The following ARID1A variants were observed in gnomAD, a reference collection of about 807,000 sequenced individuals.
The protein encoded by ARID1A is AT-rich interaction domain 1A.
Under a neutral mutation model 212.6 loss-of-function variants are expected in ARID1A, and 20 were observed. The ratio of observed to expected loss-of-function variants is 0.09; its 90% CI spans 0.07 to 0.14. The LOEUF (loss-of-function observed/expected upper bound fraction) is 0.14, where lower values mean the gene tolerates loss of function less well. ARID1A is among the 10% of genes least tolerant of loss of function. ARID1A has a pLI of 1.00. For synonymous variants in ARID1A, 1,376 were observed against 1,222.1 expected (o/e 1.13, Z -2.63); for missense variants, 2,587 against 3,059.0 (o/e 0.85, Z 3.64).
chr1:26,775,290 T>C (rs2124124849), intron 18 of ARID1A, 70 bp downstream of exon 18: 5 of 1,505,820 alleles, frequency 3.3e-6, no homozygotes, highest in Non-Finnish European at 4.4e-6. Context: ...CCCTCCACCT[T>C]ACTATTCTGG....
chr1:26,749,693 C>T (rs2080868067), intron 4 of ARID1A, among the ~76,000 whole-genome samples: 1 of 152,226 alleles, frequency 6.6e-6, no homozygotes, highest in Non-Finnish European at 1.5e-5. Flanking sequence ...ATTGAAATTT[C>T]TCCAGTGACA....
intron 1 of ARID1A, among the ~76,000 whole-genome samples, 164 bp downstream of exon 1, chr1:26,697,704 C>T (rs956183733): frequency 2.6e-5 from 4 of 152,074 alleles, no homozygotes; most frequent in South Asian, 2.1e-4. Flanking sequence ...TGCCTGTCTG[C>T]CTTCCTCTCC....
In ARID1A at chr1:26,696,686, G is replaced by A. The variant is rs2124741135; in HGVS notation, c.283G>A (p.Gly95Ser). ...CGGAGCCGGCAGCGGCGGCGGGCCCGGCGCGGAGCCGGACCTGAAGAACTC... is the reference window on the plus strand; with the variant it reads ...CGGAGCCGGCAGCGGCGGCGGGCCCAGCGCGGAGCCGGACCTGAAGAACTC... ...GGGAGSGGGP[G>S]AEPDLKNSNG... Residue 95 changes from glycine to serine, a missense_variant, in exon 1 of 20, where the codon GGC (glycine) becomes AGC (serine). Gly to Ser is a moderately conservative substitution (Grantham distance 56). Transcript: ENST00000324856. The A allele has an allele frequency of 7.6e-7, 1 of 1,321,878 alleles. No homozygotes were observed. The highest frequency in any genetic ancestry group is 2.1e-5 in the South Asian group (1 of 47,412). 81.9% of individuals were successfully genotyped at this position (1,321,878 alleles called of 1,614,324 possible).
At chr1:26,721,406 T>C (rs1570566796) in intron 1 of ARID1A, among the ~76,000 whole-genome samples, 1 of 152,258 alleles carries the variant, frequency 6.6e-6, no homozygotes, top group African/African-American at 2.4e-5. Context: ...GAGACCAGGT[T>C]TCACCATATT....
At chr1:26,760,745 T>A in intron 4 of ARID1A, 111 bp from the exon 5 acceptor site, 1 of 1,163,772 alleles carries the variant, frequency 8.6e-7, no homozygotes, top group East Asian at 2.4e-5. Flanking sequence ...ACGTGTGTGA[T>A]GTATTTGCTC....
intron 11 of ARID1A, chr1:26,770,870 G>C (rs922625912): frequency 2.0e-6 from 1 of 495,478 alleles, no homozygotes; most frequent in Admixed American, 3.8e-5. Context: ...CAGTAGTAAT[G>C]TGAAATTTGC....
intron 11 of ARID1A, chr1:26,769,122 T>G (rs1180431380): frequency 2.6e-5 from 4 of 152,216 alleles, no homozygotes; most frequent in Non-Finnish European, 2.9e-5. Flanking sequence ...TCCATGCATA[T>G]TCCTGCCATT....
intron 1 of ARID1A, among the ~76,000 whole-genome samples, chr1:26,713,687 A>G (rs770152953): frequency 6.6e-6 from 1 of 152,108 alleles, no homozygotes; most frequent in Non-Finnish European, 1.5e-5. Flanking sequence ...CCTTTCTTGG[A>G]AAAGCCTGGC....
chr1:26,766,216 C>T lies in ARID1A; in HGVS notation c.2733-5C>T. On this transcript the variant is annotated splice_polypyrimidine_tract_variant and splice_region_variant and intron_variant, in intron 8 of 19. Transcript: ENST00000324856. ...GTCTCTCTCACTTTCCATCTTCTTC[C>T]TTAGGCCGCCAGGCTACCCCAATAT... The T allele has an allele frequency of 1.2e-6, 2 of 1,611,882 alleles. No individual in the cohort carries two copies. Among genetic ancestry groups the T allele is most frequent in the Non-Finnish European group, 1.7e-6 (2 of 1,179,142 alleles).
Position 26,696,697 on chromosome 1 carries a change from G to T in ARID1A, c.294G>T (p.Pro98=), listed in dbSNP as rs1329727602. ...GCGGCGGCGGGCCCGGCGCGGAGCC[G>T]GACCTGAAGAACTCGAACGGGAACG... ...AGSGGGPGAE[P]DLKNSNGNAG... is the part of the protein sequence containing the mutation. The change falls in exon 1 of 20, where the codon CCG becomes CCT. Residue 98 remains proline, a synonymous_variant. Transcript: ENST00000324856. 1 of 1,347,110 alleles carries T rather than the reference G, an allele frequency of 7.4e-7. No homozygotes were observed. Among genetic ancestry groups the T allele is most frequent in the Admixed American group, 3.7e-5 (1 of 27,172 alleles). The allele number at this position is 1,347,110 out of a possible 1,614,324, so 83.4% of individuals were successfully genotyped here.
At chr1:26,769,741 C>T (rs541440696) in intron 11 of ARID1A, 1 of 152,312 alleles carries the variant, frequency 6.6e-6, no homozygotes, top group Admixed American at 6.5e-5. Flanking sequence ...CTTGGGGGAA[C>T]AGGCTTACCA....
At position 26,780,924 on chromosome 1, in the gene ARID1A, CCTCCCCTCCCTCCAT is replaced by C. The variant is rs762599015; in HGVS notation, c.*170_*184del. 3.4e-5 allele frequency: 31 copies of C among 920,464 alleles called. No homozygotes were observed. Among genetic ancestry groups the C allele is most frequent in the Middle Eastern group, 3.4e-4 (1 of 2,940 alleles). 57.0% of individuals were successfully genotyped at this position (920,464 alleles called of 1,614,324 possible). ...CTCCTGTTTCTCTCTCCTCCTTCCA[CCTCCCCTCCCTCCAT>C]CACCTCACGCCTTTCTGTTCCTTGT... On this transcript the variant is annotated 3_prime_UTR_variant, in exon 20 of 20. Coordinates refer to ENST00000324856, the MANE Select transcript of ARID1A (RefSeq NM_006015.6). This position sits in a 1 kb window ranked among gnomAD's most constrained non-coding sequence, Gnocchi z 7.2.
chr1:26,728,849 G>A (rs1410947876), intron 1 of ARID1A: 1 of 152,190 alleles, frequency 6.6e-6, no homozygotes, highest in East Asian at 1.9e-4. Flanking sequence ...AAGTGAATGA[G>A]CTGGTTGAAC....
At chr1:26,719,143 C>CT (rs1269291714) in intron 1 of ARID1A, among the ~76,000 whole-genome samples, 1 of 152,182 alleles carries the variant, frequency 6.6e-6, no homozygotes, top group Non-Finnish European at 1.5e-5. Flanking sequence ...TCCTTTCCTG[C>CT]TTTTGGGCAT....
intron 7 of ARID1A, among the ~76,000 whole-genome samples, chr1:26,762,524 C>A (rs1488668672): frequency 1.3e-5 from 2 of 152,254 alleles, no homozygotes; most frequent in Non-Finnish European, 2.9e-5. Flanking sequence ...CTTTCAATTT[C>A]ACTGAGCCTC....
chr1:26,697,572 G>T lies in ARID1A; in HGVS notation c.1137+32G>T, dbSNP rs2080285077. On this transcript the variant is annotated intron_variant, in intron 1 of 19. Coordinates refer to ENST00000324856, the MANE Select transcript of ARID1A (RefSeq NM_006015.6). ...AGCTGAGTGGGGAGGGGGCTGGGGC[G>T]AGCGTGGTCCTGGGGGTGGGTGGCG... is the stretch of plus-strand genomic sequence containing the variant. 2.3e-6 allele frequency: 3 copies of T among 1,295,148 alleles called. No homozygotes were observed. The African/African-American group carries it at 4.7e-5, about 20-fold the overall frequency. The allele number at this position is 1,295,148 out of a possible 1,614,324, so 80.2% of individuals were successfully genotyped here. A position where few individuals can be genotyped will look rare whatever the true frequency, so the allele number is the denominator to read the frequency against.
intron 1 of ARID1A, chr1:26,727,935 T>C (rs978435173): frequency 6.6e-6 from 1 of 152,186 alleles, no homozygotes; most frequent in Non-Finnish European, 1.5e-5. Context: ...GCCAGGTGTA[T>C]TGGGGAGGAC....
At chr1:26,722,644 C>G (rs1431368271) in intron 1 of ARID1A, among the ~76,000 whole-genome samples, 1 of 152,176 alleles carries the variant, frequency 6.6e-6, no homozygotes, top group East Asian at 1.9e-4. Flanking sequence ...GTTGATTCCT[C>G]TCTCACCAAA....
intron 8 of ARID1A, among the ~76,000 whole-genome samples, chr1:26,763,845 G>A (rs1359327282): frequency 6.6e-6 from 1 of 152,198 alleles, no homozygotes; most frequent in Non-Finnish European, 1.5e-5. Flanking sequence ...CTGAATTGCA[G>A]TGGCATGACC....
Sources: gnomAD v4.1 joint callset for allele counts (sites outside exome capture counted in the v4.1 genomes callset) on GRCh38, gnomAD v4.1.1 for gene constraint, Gnocchi (gnomAD v3.1) non-coding constraint, MANE v1.5 for transcripts, NCBI Gene and HGNC (gene_info 2026-07-23, HGNC 2026-07-21) for gene names.